The following PSD3 variants were observed in gnomAD, a reference collection of about 807,000 sequenced individuals.
PSD3 encodes the protein pleckstrin and Sec7 domain containing 3.
Under a neutral mutation model 105.5 loss-of-function variants are expected in PSD3, and 49 were observed. The ratio of observed to expected loss-of-function variants is 0.46; its 90% CI spans 0.37 to 0.59. The LOEUF (loss-of-function observed/expected upper bound fraction) is 0.59, where lower values mean the gene tolerates loss of function less well. Ranked by LOEUF, PSD3 falls within the 20% of genes least tolerant of loss-of-function variation. The pLI, the probability that PSD3 is intolerant of heterozygous loss-of-function variation, is 0.00. For missense variants in PSD3, 1,561 were observed against 1,263.8 expected, an observed-to-expected ratio of 1.24 and a Z score of -3.57; for synonymous variants, 557 against 457.8, an observed-to-expected ratio of 1.22 and a Z score of -2.77.
intron 9 of PSD3, among the ~76,000 whole-genome samples, chr8:18,718,473 A>G (rs983394391): frequency 1.3e-5 from 2 of 152,262 alleles, no homozygotes; most frequent in Admixed American, 1.3e-4. Flanking sequence ...TCATAGACAG[A>G]TATACAGGAC....
intron 4 of PSD3, among the ~76,000 whole-genome samples, chr8:18,817,041 G>A (rs746450707): frequency 7.9e-5 from 12 of 152,174 alleles, no homozygotes; most frequent in Admixed American, 1.3e-4. Context: ...GCAAGATGGC[G>A]TTTGGTAAGT....
rs190169879 is a variant in PSD3, at chr8:19,033,239, C to G, written c.324+50967G>C. Among the ~76,000 whole-genome samples, 302 of 149,378 alleles carry G rather than the reference C, an allele frequency of 2.0e-3. 2 individuals are homozygous for G. Among genetic ancestry groups the G allele is most frequent in the African/African-American group, 7.4e-3 (287 of 38,806 alleles). The stretch of plus-strand genomic sequence containing the variant: ...TAGATAGAGAAAGATACACAACCAA[C>G]ATTTTTTTTATGTGAGATTTTCTAC... On this transcript the variant is annotated intron_variant, in intron 1 of 1. Transcript: ENST00000521475.
chr8:19,015,538 T>G (rs921806856), upstream of PSD3, among the ~76,000 whole-genome samples: 1 of 152,194 alleles, frequency 6.6e-6, no homozygotes, highest in Non-Finnish European at 1.5e-5. Context: ...CAGTACAAAA[T>G]GTAGTTGCTA....
At chr8:18,900,261 A>G (rs1246931145) in intron 2 of PSD3, among the ~76,000 whole-genome samples, 1 of 152,172 alleles carries the variant, frequency 6.6e-6, no homozygotes, top group East Asian at 1.9e-4. Context: ...TTCTTAAATC[A>G]TTGTAGAGTC....
intron 8 of PSD3, among the ~76,000 whole-genome samples, chr8:18,796,573 C>T (rs546857639): frequency 2.6e-5 from 4 of 152,234 alleles, no homozygotes; most frequent in African/African-American, 7.2e-5. Flanking sequence ...GCAGGCCAAA[C>T]CAAGGCCCAT....
In PSD3 at chr8:18,828,067, A is replaced by ATATTT. The variant is rs371473289; in HGVS notation, c.1635-23170_1635-23169insAAATA. ...TATATGTATATATATATATATATAT[A>ATATTT]TTTTTTTTTTTTTACAAAAAAAATG... On this transcript the variant is annotated intron_variant, in intron 4 of 15. Coordinates refer to ENST00000327040, the MANE Select transcript of PSD3 (RefSeq NM_015310.4). Among the ~76,000 whole-genome samples the ATATTT allele has an allele frequency of 6.4e-3, 760 of 118,856 alleles. 10 individuals carry two copies. The highest frequency in any genetic ancestry group is 0.014 in the African/African-American group (387 of 28,416). The allele number at this position is 118,856 out of a possible 152,430, so 78.0% of individuals were successfully genotyped here.
chr8:19,034,723 C>A (rs11776702), intron 1 of PSD3, among the ~76,000 whole-genome samples: 56,749 of 151,946 alleles, frequency 0.37, 10,945 homozygotes, highest in Middle Eastern at 0.46. Flanking sequence ...GTCTTTTTGA[C>A]TCCAGACGAG....
intron 11 of PSD3, among the ~76,000 whole-genome samples, chr8:18,610,557 T>C (rs531195063): frequency 1.3e-5 from 2 of 152,358 alleles, no homozygotes; most frequent in South Asian, 2.1e-4. Context: ...TTCAGAATCA[T>C]TCATTGCTCA....
At chr8:18,682,262 C>T (rs1800431490) in intron 9 of PSD3, among the ~76,000 whole-genome samples, 1 of 152,196 alleles carries the variant, frequency 6.6e-6, no homozygotes, top group African/African-American at 2.4e-5. Flanking sequence ...TAGCCTCTGA[C>T]TGCATACCAT....
At chr8:18,802,353 C>T (rs1200293428) in intron 6 of PSD3, 1 of 426,338 alleles carries the variant, frequency 2.3e-6, no homozygotes. Flanking sequence ...ATTCATTTTC[C>T]TAAACATGAG....
exon 1 of PSD3, chr8:19,084,599 C>G: frequency 2.8e-6 from 1 of 354,398 alleles, no homozygotes; most frequent in Non-Finnish European, 5.6e-6. Flanking sequence ...AGGCAGGGGC[C>G]TGGCAATGCC....
chr8:18,555,814 C>A (rs950265771), intron 15 of PSD3, among the ~76,000 whole-genome samples: 4 of 152,162 alleles, frequency 2.6e-5, no homozygotes, highest in Admixed American at 6.5e-5. Context: ...AAAGCTGATG[C>A]CTCACATCAA....
At chr8:18,824,579 T>C (rs1326640058) in intron 4 of PSD3, among the ~76,000 whole-genome samples, 1 of 152,194 alleles carries the variant, frequency 6.6e-6, no homozygotes, top group East Asian at 1.9e-4. Context: ...GAATTCTTGA[T>C]TTTACAAAAT....
At chr8:18,871,420 G>A (rs1007870374) in intron 3 of PSD3, among the ~76,000 whole-genome samples, 1 of 152,154 alleles carries the variant, frequency 6.6e-6, no homozygotes, top group East Asian at 1.9e-4. Context: ...CCTAACGGAT[G>A]ACTTTATAAC....
intron 4 of PSD3, among the ~76,000 whole-genome samples, chr8:18,850,212 C>T (rs889554514): frequency 6.6e-6 from 1 of 152,226 alleles, no homozygotes; most frequent in Non-Finnish European, 1.5e-5. Context: ...CATAGCCTGG[C>T]AAAGGCCCCT....
chr8:18,681,279 C>T (rs944002760), intron 9 of PSD3, among the ~76,000 whole-genome samples: 4 of 151,774 alleles, frequency 2.6e-5, no homozygotes, highest in Non-Finnish European at 4.4e-5. Flanking sequence ...ATGAAAGAGT[C>T]AGATAATCAA....
At chr8:18,779,218 T>A (rs1244188745) in intron 8 of PSD3, among the ~76,000 whole-genome samples, 1 of 152,204 alleles carries the variant, frequency 6.6e-6, no homozygotes, top group Non-Finnish European at 1.5e-5. Flanking sequence ...CTGTTTCCCG[T>A]AGGTTCCAAT....
intron 1 of PSD3, among the ~76,000 whole-genome samples, chr8:19,035,881 A>G (rs902988003): frequency 6.6e-6 from 1 of 151,810 alleles, no homozygotes; most frequent in East Asian, 1.9e-4. Context: ...CATCCTCTCA[A>G]GTAGCTGGGA....
intron 9 of PSD3, chr8:18,762,919 A>T (rs1806659408): frequency 7.8e-7 from 1 of 1,278,890 alleles, no homozygotes; most frequent in Non-Finnish European, 1.0e-6. Context: ...AACATGGAAT[A>T]ACTGTTTATT....
Sources: gnomAD v4.1 joint callset for allele counts (sites outside exome capture counted in the v4.1 genomes callset) on GRCh38, gnomAD v4.1.1 for gene constraint, MANE v1.5 for transcripts, NCBI Gene and HGNC (gene_info 2026-07-23, HGNC 2026-07-21) for gene names.